Variants in SLC47A2 observed in about 807,000 individuals in gnomAD.
SLC47A2 encodes the protein multidrug and toxin extrusion protein 2.
SLC47A2 carries 52 observed loss-of-function variants against 67.7 expected under a neutral mutation model. The observed-to-expected ratio is 0.77, with a 90% CI of 0.61 to 0.97. The LOEUF (loss-of-function observed/expected upper bound fraction) is 0.97, where lower values mean the gene tolerates loss of function less well. Among genes scored for constraint, SLC47A2 ranks in the 50% least tolerant of loss-of-function variants. The pLI is 0.00. For missense variants in SLC47A2, 676 were observed against 712.3 expected, an observed-to-expected ratio of 0.95 and a Z score of 0.58; for synonymous variants, 278 against 292.9, an observed-to-expected ratio of 0.95 and a Z score of 0.52.
In SLC47A2 at chr17:19,705,464, A is replaced by G; in HGVS notation, c.881T>C (p.Ile294Thr). The change falls in exon 10 of 17, where the codon ATC becomes ACC. Residue 294 changes from isoleucine (I) to threonine (T), a missense_variant. Transcript: ENST00000433844. Reference sequence around the variant, plus strand: ...GTAGGTCACAGTGGCCACCTCGTAGATGACAGCCTGGGCAGAGAGATCCAC... The same window carrying G: ...GTAGGTCACAGTGGCCACCTCGTAGGTGACAGCCTGGGCAGAGAGATCCAC... ...SVVDLSAQAV[I>T]YEVATVTYMI... 6.2e-7 allele frequency: 1 copy of G among 1,612,288 alleles called. No homozygotes were observed. The highest frequency in any genetic ancestry group is 1.1e-5 in the South Asian group (1 of 90,692).
At chr17:19,686,437 G>A (rs115259861) in intron 13 of SLC47A2, among the ~76,000 whole-genome samples, 3,440 of 152,204 alleles carry the variant, frequency 0.023, 70 homozygotes, top group African/African-American at 0.051. Context: ...TGGCAGGACT[G>A]AGTCCTAACT....
chr17:19,700,393 C>G (rs181842973), intron 13 of SLC47A2, among the ~76,000 whole-genome samples: 1 of 152,170 alleles, frequency 6.6e-6, no homozygotes, highest in Non-Finnish European at 1.5e-5. Context: ...CTCTGTAAAC[C>G]TGACTCGGAG....
At chr17:19,711,187 G>T (rs867185345) in intron 5 of SLC47A2, among the ~76,000 whole-genome samples, 15 of 152,312 alleles carry the variant, frequency 9.8e-5, no homozygotes, top group African/African-American at 3.4e-4. Context: ...AAAGGATTAA[G>T]ATATTATTTA....
chr17:19,714,555 C>G, intron 3 of SLC47A2, 166 bp downstream of exon 3: 1 of 749,174 alleles, frequency 1.3e-6, no homozygotes, highest in Non-Finnish European at 2.3e-6. Flanking sequence ...GGGTCTGTTT[C>G]CCTGACAGCC....
At position 19,708,133 on chromosome 17, in the gene SLC47A2, C is replaced by A. The variant is rs115070334; in HGVS notation, c.629+169G>T. Among the ~76,000 whole-genome samples, 1,361 of 152,276 alleles carry A rather than the reference C, an allele frequency of 8.9e-3. 29 individuals carry two copies. The highest frequency in any genetic ancestry group is 0.031 in the African/African-American group (1,302 of 41,554). On this transcript the variant is annotated intron_variant, in intron 7 of 16. Coordinates refer to ENST00000433844, the MANE Select transcript of SLC47A2 (RefSeq NM_001099646.3). ...GTGGCTGTCCTCTCACCCAATCAAG[C>A]GTCAAACTGAGGTCCCCAAGGGACC...
At chr17:19,707,689 C>G (rs1339257868) in intron 8 of SLC47A2, 57 bp downstream of exon 8, 1 of 1,459,330 alleles carries the variant, frequency 6.9e-7, no homozygotes, top group East Asian at 2.5e-5. Flanking sequence ...TGCCCCAAGG[C>G]TAGGGCAGCA....
At chr17:19,690,546 A>G (rs1264015868) in intron 13 of SLC47A2, among the ~76,000 whole-genome samples, 2 of 152,212 alleles carry the variant, frequency 1.3e-5, no homozygotes, top group Non-Finnish European at 2.9e-5. Context: ...TAATAACCAG[A>G]ATATATAAGG....
intron 9 of SLC47A2, among the ~76,000 whole-genome samples, chr17:19,706,046 G>C (rs537963450): frequency 1.3e-5 from 2 of 152,230 alleles, no homozygotes; most frequent in Non-Finnish European, 2.9e-5. Flanking sequence ...CAGGGTGGCA[G>C]TGTGAGGGAG....
rs772954918 is a variant in SLC47A2, at chr17:19,703,110, T to C, written c.1076A>G (p.His359Arg). The C allele has an allele frequency of 3.7e-6, 6 of 1,614,022 alleles. No homozygotes were observed. In the African/African-American group the frequency reaches 8.0e-5, roughly 22 times the overall value. ...LISILKNQLG[H>R]IFTNDEDVIA... ...TACCTACTCATCATTGGTAAAAATA[T>C]GCCCCAGCTGATTTTTCAGGATGCT... The change falls in exon 12 of 17, where the codon CAT (histidine) becomes CGT (arginine). Residue 359 changes from histidine to arginine, a missense_variant. Transcript: ENST00000433844.
In SLC47A2 at chr17:19,716,463, C is replaced by T. The variant is rs1160572695; in HGVS notation, c.93G>A (p.Met31Ile). The stretch of plus-strand genomic sequence containing the variant: ...GTCCAGAAAGGGCAAAGAGAGTCCA[C>T]ATCTCAGTCCCAAAGCCTCTGGGAA... ...RLVPRGFGTEMWTLFALSGPL... is the reference protein window; with the variant it reads ...RLVPRGFGTEIWTLFALSGPL... Residue 31 changes from methionine to isoleucine, a missense_variant, in exon 1 of 17, where the codon ATG (methionine) becomes ATA (isoleucine). Coordinates refer to ENST00000433844, the MANE Select transcript of SLC47A2 (RefSeq NM_001099646.3). 6.2e-7 allele frequency: 1 copy of T among 1,612,332 alleles called. No homozygotes were observed.
chr17:19,704,080 C>A lies in SLC47A2; in HGVS notation c.1008G>T (p.Val336=). ...GAGGACTCCACCTACCTATGCTGAGCACGCCCGAGACGGCCGAGCGCTTGG... is the reference window on the plus strand; with the variant it reads ...GAGGACTCCACCTACCTATGCTGAGAACGCCCGAGACGGCCGAGCGCTTGG... ...VQAKRSAVSG[V]LSIVGISLVL... The change falls in exon 11 of 17, where the codon GTG becomes GTT. Residue 336 remains valine, a synonymous_variant. Coordinates refer to ENST00000433844, the MANE Select transcript of SLC47A2 (RefSeq NM_001099646.3). 2 of 1,607,998 alleles carry A rather than the reference C, an allele frequency of 1.2e-6. No homozygotes were observed. Among genetic ancestry groups the A allele is most frequent in the South Asian group, 1.1e-5 (1 of 90,712 alleles).
intron 9 of SLC47A2, 128 bp from the exon 10 acceptor site, chr17:19,705,631 A>G (rs1225314165): frequency 1.2e-6 from 1 of 828,650 alleles, no homozygotes; most frequent in Non-Finnish European, 1.8e-6. Flanking sequence ...ACAGGGTCTC[A>G]CTCTGTCGCT....
intron 3 of SLC47A2, 196 bp downstream of exon 3, chr17:19,714,525 C>G (rs777087554): frequency 4.2e-5 from 28 of 665,900 alleles, no homozygotes; most frequent in African/African-American, 7.2e-5. Context: ...TTCTCCTGGC[C>G]CAGACTCTTT....
At position 19,706,572 on chromosome 17, in the gene SLC47A2, G is replaced by A. The variant is rs147060684; in HGVS notation, c.841+76C>T. ...AGGGGGCTTCTGGGATGGGTGAGCCGCCATCCTGGGGAGGGGGCTTCTGGG... is the reference window on the plus strand; with the variant it reads ...AGGGGGCTTCTGGGATGGGTGAGCCACCATCCTGGGGAGGGGGCTTCTGGG... On this transcript the variant is annotated intron_variant, in intron 9 of 16. Transcript: ENST00000433844. The A allele has an allele frequency of 1.5e-3, 1,936 of 1,260,854 alleles. 31 individuals carry two copies. The African/African-American group carries it at 0.026, about 17-fold the overall frequency. 78.1% of individuals were successfully genotyped at this position (1,260,854 alleles called of 1,614,324 possible).
At chr17:19,710,641 C>T (rs1035478801) in intron 5 of SLC47A2, among the ~76,000 whole-genome samples, 6 of 151,696 alleles carry the variant, frequency 4.0e-5, no homozygotes, top group Admixed American at 6.6e-5. Context: ...TTAGTAGAGA[C>T]GGGGTTTCAC....
rs1346009109 is a variant in SLC47A2, at chr17:19,681,387, A to T, written c.1372T>A (p.Trp458Arg). Residue 458 changes from tryptophan (W) to arginine (R), a missense_variant, in exon 15 of 17, where the codon TGG (tryptophan) becomes AGG (arginine). Physicochemically the swap from Trp to Arg is moderately radical, Grantham distance 101 (BLOSUM62 -3). Transcript: ENST00000433844. Reference sequence around the variant, plus strand: ...CTTACCTCCTCTGCAGCAAGCTTCCAGTCCAGCCGGGCAGTATAAGCAACA... The same window carrying T: ...CTTACCTCCTCTGCAGCAAGCTTCCTGTCCAGCCGGGCAGTATAAGCAACA... ...AFVAYTARLD[W>R]KLAAEEAKKH... The T allele has an allele frequency of 1.9e-6, 3 of 1,610,616 alleles. No individual in the cohort carries two copies. The highest frequency in any genetic ancestry group is 2.5e-6 in the Non-Finnish European group (3 of 1,178,138).
intron 13 of SLC47A2, among the ~76,000 whole-genome samples, chr17:19,700,763 CAAA>C (rs67005913): frequency 2.4e-4 from 21 of 86,438 alleles, no homozygotes; most frequent in Admixed American, 2.3e-4. Context: ...AGACCTGTCT[CAAA>C]AAAAAAAAAA....
At position 19,715,697 on chromosome 17, in the gene SLC47A2, G is replaced by GTTTTTTTTTTTTTTTTTTTTTT. The variant is rs760928299; in HGVS notation, c.124-481_124-480insAAAAAAAAAAAAAAAAAAAAAA. 3 of 99,472 alleles carry GTTTTTTTTTTTTTTTTTTTTTT rather than the reference G, an allele frequency of 3.0e-5. 1 individual carries two copies. The highest frequency in any genetic ancestry group is 3.9e-5 in the African/African-American group (1 of 25,830). 6.2% of individuals were successfully genotyped at this position (99,472 alleles called of 1,614,324 possible). On this transcript the variant is annotated intron_variant, in intron 1 of 16. Transcript: ENST00000433844. ...AATTCCATTACTCCTTTTTGGTTTT[G>GTTTTTTTTTTTTTTTTTTTTTT]TTTTTTTTGTTTTTTTTTTTTTTTT...
intron 13 of SLC47A2, among the ~76,000 whole-genome samples, chr17:19,686,993 A>G (rs541115917): frequency 3.9e-4 from 60 of 152,364 alleles, no homozygotes; most frequent in African/African-American, 1.4e-3. Flanking sequence ...TGCAGAATAC[A>G]CATTCTTCTC....
Sources: gnomAD v4.1 joint callset for allele counts (sites outside exome capture counted in the v4.1 genomes callset) on GRCh38, gnomAD v4.1.1 for gene constraint, MANE v1.5 for transcripts, NCBI Gene and HGNC (gene_info 2026-07-23, HGNC 2026-07-21) for gene names.